Variants in ASXL1 observed in about 807,000 individuals in gnomAD.
ASXL1 encodes the protein polycomb group protein ASXL1.
A neutral mutation model predicts 89.1 loss-of-function variants in ASXL1; 65 were observed. The observed-to-expected ratio is 0.73, with a 90% CI of 0.60 to 0.90. The LOEUF is 0.90. ASXL1 is among the 40% of genes least tolerant of loss of function. The pLI is 0.00. For missense variants in ASXL1, 1,786 were observed against 1,942.9 expected (o/e 0.92, Z 1.52); for synonymous variants, 739 against 746.9 (o/e 0.99, Z 0.17).
chr20:32,362,240 T>C (rs925014404), intron 1 of ASXL1, among the ~76,000 whole-genome samples: 4 of 152,274 alleles, frequency 2.6e-5, no homozygotes, highest in African/African-American at 9.6e-5. Context: ...GAATTTGGAG[T>C]GCTTGCAATG....
chr20:32,366,393 A>T lies in ASXL1; in HGVS notation c.67A>T (p.Asn23Tyr), dbSNP rs2122810052. Residue 23 changes from asparagine (N) to tyrosine (Y), a missense_variant, in exon 2 of 13, where the codon AAC (asparagine) becomes TAC (tyrosine). Physicochemically the swap from Asn to Tyr is moderately radical, Grantham distance 143. Transcript: ENST00000375687. ...GTTTATATTTCTTCAGGTATTAGAAAACTACTCGGATGCTCCAATGACACC... is the reference window on the plus strand; with the variant it reads ...GTTTATATTTCTTCAGGTATTAGAATACTACTCGGATGCTCCAATGACACC... Reference protein sequence around the residue: ...WAEAARLVLENYSDAPMTPKQ... With the variant: ...WAEAARLVLEYYSDAPMTPKQ... 1 of 1,612,694 alleles carries T rather than the reference A, an allele frequency of 6.2e-7. No homozygotes were observed. The highest frequency in any genetic ancestry group is 8.5e-7 in the Non-Finnish European group (1 of 1,178,690).
chr20:32,401,907 A>G (rs2048881810), intron 4 of ASXL1, among the ~76,000 whole-genome samples: 1 of 152,176 alleles, frequency 6.6e-6, no homozygotes, highest in Non-Finnish European at 1.5e-5. Context: ...TAGGCACAGT[A>G]AGAGATTAAC....
chr20:32,379,180 T>TTTTTG (rs2048442480), intron 4 of ASXL1, among the ~76,000 whole-genome samples: 1 of 25,258 alleles, frequency 4.0e-5, no homozygotes, highest in East Asian at 2.9e-3. Flanking sequence ...TTTTTTTTTT[T>TTTTTG]TTTTTTTTTT....
chr20:32,411,459 C>A (rs2049045398), intron 4 of ASXL1, among the ~76,000 whole-genome samples: 1 of 150,794 alleles, frequency 6.6e-6, no homozygotes, highest in Non-Finnish European at 1.5e-5. Context: ...AACTCCTGGC[C>A]TCAAGCGATC....
At chr20:32,411,029 C>T (rs13042660) in intron 4 of ASXL1, among the ~76,000 whole-genome samples, 1 of 62,256 alleles carries the variant, frequency 1.6e-5, no homozygotes, top group African/African-American at 6.3e-5. Context: ...AAGACTCTGT[C>T]TCAAAAAAAA....
At chr20:32,362,515 A>G (rs1386345017) in intron 1 of ASXL1, among the ~76,000 whole-genome samples, 1 of 152,214 alleles carries the variant, frequency 6.6e-6, no homozygotes, top group Non-Finnish European at 1.5e-5. Context: ...GAGTGCCTGT[A>G]GTCCCAGCTA....
chr20:32,402,891 A>AGT (rs2048898953), intron 4 of ASXL1, among the ~76,000 whole-genome samples: 1 of 152,150 alleles, frequency 6.6e-6, no homozygotes, highest in African/African-American at 2.4e-5. Context: ...TTTGCCTAAG[A>AGT]GTGTGCTTCA....
At chr20:32,359,225 C>G in intron 1 of ASXL1, 1 of 700,984 alleles carries the variant, frequency 1.4e-6, no homozygotes, top group Non-Finnish European at 2.6e-6. Context: ...GGAAGCTCCT[C>G]CCTCGCTTCC....
chr20:32,416,651 ACTTATC>A (rs1353423537), intron 4 of ASXL1, among the ~76,000 whole-genome samples: 25 of 152,212 alleles, frequency 1.6e-4, no homozygotes, highest in African/African-American at 6.0e-4. Flanking sequence ...CTGCAGCAAC[ACTTATC>A]CTTAATCTCC....
intron 4 of ASXL1, among the ~76,000 whole-genome samples, chr20:32,407,244 T>G (rs1269141475): frequency 1.3e-5 from 2 of 151,754 alleles, no homozygotes; most frequent in South Asian, 2.1e-4. Context: ...CTCAGAAGGC[T>G]GAGGCACAAG....
chr20:32,375,079 T>G (rs1279033663), intron 4 of ASXL1, among the ~76,000 whole-genome samples: 1 of 151,934 alleles, frequency 6.6e-6, no homozygotes, highest in Non-Finnish European at 1.5e-5. Flanking sequence ...ACTCCTGACC[T>G]CAAGGCCTGC....
At position 32,435,426 on chromosome 20, in the gene ASXL1, A is replaced by T. The variant is rs758140687; in HGVS notation, c.2714A>T (p.Asp905Val). ...SLHWIPIPSN[D>V]EVVKQPKPES... ...CATTGGATACCCATCCCATCGAATGATGAGGTAGTGAAACAGCCCAAACCA... is the reference window on the plus strand; with the variant it reads ...CATTGGATACCCATCCCATCGAATGTTGAGGTAGTGAAACAGCCCAAACCA... The change falls in exon 13 of 13, where the codon GAT becomes GTT. Residue 905 changes from aspartate to valine, a missense_variant. Around this residue, in one of 3 missense-constraint regions of ASXL1, gnomAD observed 1,418 missense variants for 1,427.8 expected, o/e 0.99. Transcript: ENST00000375687. 3.7e-6 allele frequency: 6 copies of T among 1,613,998 alleles called. No homozygotes were observed. The Admixed American group carries it at 5.0e-5, about 13-fold the overall frequency.
rs778774838 is a variant in ASXL1 at position 32,436,314 on chromosome 20, A to G, written c.3602A>G (p.Gln1201Arg). ...IEATQAPGAP[Q>R]KNCKAVPSFD... ...GCCACCCAGGCTCCTGGAGCACCCCAAAAGAATTGCAAGGCAGTCCCAAGT... is the reference window on the plus strand; with the variant it reads ...GCCACCCAGGCTCCTGGAGCACCCCGAAAGAATTGCAAGGCAGTCCCAAGT... The change falls in exon 13 of 13, where the codon CAA becomes CGA. Residue 1201 changes from glutamine to arginine, a missense_variant. By Grantham distance (43) the Gln-to-Arg change is conservative. Around this residue, in one of 3 missense-constraint regions of ASXL1, gnomAD observed 1,418 missense variants for 1,427.8 expected, o/e 0.99. Transcript: ENST00000375687. The G allele has an allele frequency of 5.0e-6, 8 of 1,613,976 alleles. No individual in the cohort carries two copies. In the Admixed American group the frequency reaches 6.7e-5, roughly 13 times the overall value.
chr20:32,405,543 G>A (rs976898145), intron 4 of ASXL1, among the ~76,000 whole-genome samples: 1 of 152,166 alleles, frequency 6.6e-6, no homozygotes, highest in Non-Finnish European at 1.5e-5. Flanking sequence ...AATTGTCCAT[G>A]TAATGTCCTT....
At chr20:32,419,039 G>C (rs955898983) in intron 4 of ASXL1, among the ~76,000 whole-genome samples, 1 of 151,616 alleles carries the variant, frequency 6.6e-6, no homozygotes, top group Non-Finnish European at 1.5e-5. Context: ...CATCATGTTG[G>C]TCAGGCTGGT....
intron 4 of ASXL1, among the ~76,000 whole-genome samples, chr20:32,399,901 A>G (rs1441355138): frequency 2.0e-5 from 3 of 150,880 alleles, no homozygotes; most frequent in South Asian, 4.2e-4. Context: ...AGCTGGGACT[A>G]CAGGCACCCG....
chr20:32,434,789 C>T lies in ASXL1; in HGVS notation c.2077C>T (p.Arg693Ter), dbSNP rs373221034. Residue 693 changes from arginine (R) to a stop codon, truncating the protein, a stop_gained, in exon 13 of 13, where the codon CGA becomes TGA. Coordinates refer to ENST00000375687, the MANE Select transcript of ASXL1 (RefSeq NM_015338.6). LOFTEE classifies it low-confidence loss of function (END_TRUNC). ...TGGAAAGTGTACGTCAGATCTACAG[C>T]GAACACAACTACTGCCGCCTTATCC... Reference protein sequence around the residue: ...TPGKCTSDLQRTQLLPPYPLN... With the variant: ...TPGKCTSDLQ 27 of 1,613,708 alleles carry T rather than the reference C, an allele frequency of 1.7e-5. No homozygotes were observed. Among genetic ancestry groups the T allele is most frequent in the East Asian group, 2.2e-5 (1 of 44,886 alleles).
chr20:32,384,688 A>G (rs897169736), intron 4 of ASXL1, among the ~76,000 whole-genome samples: 1 of 152,130 alleles, frequency 6.6e-6, no homozygotes, highest in African/African-American at 2.4e-5. Context: ...TTTATGCCCA[A>G]GGGATGAACT....
chr20:32,359,432 G>T, intron 1 of ASXL1: 2 of 701,824 alleles, frequency 2.8e-6, no homozygotes, highest in South Asian at 3.0e-5. Context: ...AGGCGGTTAG[G>T]AACGCTACTC....
Sources: allele counts gnomAD v4.1 joint callset (sites outside exome capture counted in the v4.1 genomes callset), GRCh38; gene constraint gnomAD v4.1.1; regional missense constraint gnomAD v4.1.1; transcripts MANE v1.5; gene names NCBI Gene and HGNC (gene_info 2026-07-23, HGNC 2026-07-21).